The following BMP8A variants were observed in gnomAD, a reference collection of about 807,000 sequenced individuals.
BMP8A encodes BMP-8A.
In BMP8A, 14 loss-of-function variants were observed where a neutral mutation model predicts 36.8. That is an observed-to-expected ratio of 0.38 (90% CI 0.25 to 0.60). The LOEUF is 0.60. Ranked by LOEUF, BMP8A falls within the 20% of genes least tolerant of loss-of-function variation. The probability of loss-of-function intolerance (pLI) is 0.63; values close to 1 mark genes in which losing one functional copy is unlikely to be tolerated. For missense variants in BMP8A, 267 were observed against 551.1 expected (o/e 0.48, Z 5.16); for synonymous variants, 120 against 237.7 (o/e 0.50, Z 4.55).
chr1:39,505,985 CCAAAA>C lies in BMP8A; in HGVS notation c.335-5188_335-5184del, dbSNP rs1306205966. Among the ~76,000 whole-genome samples, 56 of 93,906 alleles carry C rather than the reference CCAAAA, an allele frequency of 6.0e-4. No individual in the cohort carries two copies. The East Asian group carries it at 0.012, about 21-fold the overall frequency. 61.6% of individuals were successfully genotyped at this position (93,906 alleles called of 152,430 possible). On this transcript the variant is annotated intron_variant, in intron 1 of 6. Coordinates refer to ENST00000331593, the MANE Select transcript of BMP8A (RefSeq NM_181809.4). The stretch of plus-strand genomic sequence containing the variant: ...TGGGTGACAGAGCAAGACCCTGTCT[CCAAAA>C]AAAAAAAAAAAAAAAAGTGTCAAGG...
Position 39,525,906 on chromosome 1 carries a change from C to T in BMP8A, c.*108C>T, listed in dbSNP as rs1016843276. On this transcript the variant is annotated 3_prime_UTR_variant, in exon 7 of 7. Coordinates refer to ENST00000331593, the MANE Select transcript of BMP8A (RefSeq NM_181809.4). ...CAGCTCAAGCAGGAGTGTCAGGGGC[C>T]CTCACTCTCGGTGCCTACTTCCTGT... 1.3e-6 allele frequency: 2 copies of T among 1,538,910 alleles called. No individual in the cohort carries two copies. The highest frequency in any genetic ancestry group is 1.8e-6 in the Non-Finnish European group (2 of 1,138,536).
At chr1:39,508,422 A>G (rs897232973) in intron 1 of BMP8A, among the ~76,000 whole-genome samples, 3 of 152,160 alleles carry the variant, frequency 2.0e-5, no homozygotes, top group African/African-American at 7.2e-5. Flanking sequence ...CGCCACTCCT[A>G]TCCCACGGCC....
chr1:39,521,711 C>CCAT (rs1645429192), intron 4 of BMP8A, 141 bp downstream of exon 4: 3 of 361,678 alleles, frequency 8.3e-6, no homozygotes, highest in Middle Eastern at 7.1e-4. Flanking sequence ...TTTCCTGACA[C>CCAT]CATCTTGGCC....
chr1:39,492,363 G>A (rs538217318), intron 1 of BMP8A, 38 bp downstream of exon 1: 165 of 1,500,134 alleles, frequency 1.1e-4, no homozygotes, highest in East Asian at 2.6e-4. Context: ...CTCGGAGTAA[G>A]CTGGCTGCAG....
chr1:39,507,545 C>T (rs545395427), intron 1 of BMP8A, among the ~76,000 whole-genome samples: 1 of 152,184 alleles, frequency 6.6e-6, no homozygotes, highest in East Asian at 1.9e-4. Context: ...AGTCAGGGTT[C>T]CGTTTCCACG....
intron 1 of BMP8A, among the ~76,000 whole-genome samples, chr1:39,508,504 A>G (rs906738824): frequency 2.6e-5 from 4 of 152,196 alleles, no homozygotes; most frequent in African/African-American, 9.6e-5. Context: ...GATATCACAT[A>G]GGTTGCCCAC....
At position 39,522,448 on chromosome 1, in the gene BMP8A, A is replaced by T. The variant is rs776955132; in HGVS notation, c.914A>T (p.Glu305Val). 4.4e-5 allele frequency: 71 copies of T among 1,613,412 alleles called. No homozygotes were observed. Among genetic ancestry groups the T allele is most frequent in the Non-Finnish European group, 5.8e-5 (69 of 1,179,756 alleles). ...GGCCGGCAGGTCTGCCGTCGGCACG[A>T]GCTCTACGTCAGCTTCCAGGACCTT... ...SHGRQVCRRH[E>V]LYVSFQDLGW... The change falls in exon 5 of 7, where the codon GAG becomes GTG. Residue 305 changes from glutamate (E) to valine (V), a missense_variant. By Grantham distance (121) the Glu-to-Val change is moderately radical. Transcript: ENST00000331593.
intron 3 of BMP8A, among the ~76,000 whole-genome samples, chr1:39,519,970 G>A (rs1432047098): frequency 1.7e-5 from 2 of 117,440 alleles, no homozygotes; most frequent in Admixed American, 2.0e-4. Flanking sequence ...ACCCATGCAC[G>A]GAGTGAAGAG....
At chr1:39,499,508 T>A (rs1281545044) in intron 1 of BMP8A, among the ~76,000 whole-genome samples, 1 of 152,228 alleles carries the variant, frequency 6.6e-6, no homozygotes, top group Non-Finnish European at 1.5e-5. Flanking sequence ...GAGACTAAAT[T>A]GCCCAGAGCA....
At chr1:39,523,175 G>T (rs977223865) in intron 6 of BMP8A, 58 bp downstream of exon 6, 26 of 1,584,438 alleles carry the variant, frequency 1.6e-5, no homozygotes, top group Middle Eastern at 3.3e-4. Context: ...GCAGAGAGGG[G>T]TCTGGTCCAG....
At position 39,526,050 on chromosome 1, in the gene BMP8A, C is replaced by T; in HGVS notation, c.*252C>T. The T allele has an allele frequency of 1.1e-5, 6 of 567,658 alleles. No individual in the cohort carries two copies. Among genetic ancestry groups the T allele is most frequent in the Non-Finnish European group, 1.8e-5 (6 of 331,008 alleles). 35.2% of individuals were successfully genotyped at this position (567,658 alleles called of 1,614,324 possible). A position where few individuals can be genotyped will look rare whatever the true frequency, so the allele number is the denominator to read the frequency against. On this transcript the variant is annotated 3_prime_UTR_variant, in exon 7 of 7. Transcript: ENST00000331593. ...GCAGCCTCAGAGCCTGTGCTGACTG[C>T]ACTGTCTGGAGTCAGCACAGAAGTC...
chr1:39,504,112 C>T (rs146583525), intron 1 of BMP8A, among the ~76,000 whole-genome samples: 2 of 152,276 alleles, frequency 1.3e-5, no homozygotes, highest in Non-Finnish European at 2.9e-5. Context: ...CCATTTGATG[C>T]TCTGAGAAGG....
intron 1 of BMP8A, among the ~76,000 whole-genome samples, chr1:39,509,546 A>G (rs1473685240): frequency 6.6e-6 from 1 of 152,128 alleles, no homozygotes; most frequent in African/African-American, 2.4e-5. Flanking sequence ...GGACAAGACA[A>G]GTTCATTTTT....
intron 6 of BMP8A, chr1:39,523,449 C>G: frequency 8.1e-7 from 1 of 1,232,132 alleles, no homozygotes; most frequent in Non-Finnish European, 1.1e-6. Context: ...CAGATGTGTA[C>G]ACTGTGTGGG....
rs896531824 is a variant in BMP8A, at chr1:39,518,708, A to G, written c.674-2668A>G. On this transcript the variant is annotated intron_variant, in intron 3 of 6. Coordinates refer to ENST00000331593, the MANE Select transcript of BMP8A (RefSeq NM_181809.4). The stretch of plus-strand genomic sequence containing the variant: ...GAGAAGGGAGGCTCTGGGCTCTGGA[A>G]GGAGAGGGCTGGGGATGGGGGAGCT... Among the ~76,000 whole-genome samples the G allele has an allele frequency of 5.6e-5, 8 of 142,150 alleles. No individual in the cohort carries two copies. In the South Asian group the frequency reaches 1.1e-3, roughly 20 times the overall value. The allele number at this position is 142,150 out of a possible 152,430, so 93.3% of individuals were successfully genotyped here. A position where few individuals can be genotyped will look rare whatever the true frequency, so the allele number is the denominator to read the frequency against.
rs1645174231 is a variant in BMP8A at position 39,492,949 on chromosome 1, A to G, written c.334+624A>G. Among the ~76,000 whole-genome samples, 3 of 152,148 alleles carry G rather than the reference A, an allele frequency of 2.0e-5. No individual in the cohort carries two copies. In the South Asian group the frequency reaches 6.2e-4, roughly 32 times the overall value. On this transcript the variant is annotated intron_variant, in intron 1 of 6. Coordinates refer to ENST00000331593, the MANE Select transcript of BMP8A (RefSeq NM_181809.4). ...TAGGGTGAGTGTCCGGTCCTGTGGA[A>G]TGGCCCAGTGGGCAGCTGGACCCAC...
intron 1 of BMP8A, among the ~76,000 whole-genome samples, chr1:39,507,945 C>G (rs1645316282): frequency 6.6e-6 from 1 of 152,162 alleles, no homozygotes; most frequent in South Asian, 2.1e-4. Context: ...TCATTCCATA[C>G]TTTTATTTAG....
intron 3 of BMP8A, chr1:39,514,845 T>C: frequency 8.6e-7 from 1 of 1,162,516 alleles, no homozygotes; most frequent in Non-Finnish European, 1.1e-6. Context: ...CGGGGAGACC[T>C]GCTGGGAGGG....
chr1:39,518,112 T>C (rs540685104), intron 3 of BMP8A, among the ~76,000 whole-genome samples: 40 of 151,668 alleles, frequency 2.6e-4, no homozygotes, highest in South Asian at 6.2e-4. Flanking sequence ...TGTGTGTGTG[T>C]GCGCATGCAC....
Sources: gnomAD v4.1 joint callset for allele counts (sites outside exome capture counted in the v4.1 genomes callset) on GRCh38, gnomAD v4.1.1 for gene constraint, MANE v1.5 for transcripts, NCBI Gene and HGNC (gene_info 2026-07-23, HGNC 2026-07-21) for gene names.